MBNL2: variants seen among roughly 807,000 people sequenced by gnomAD.
MBNL2 encodes muscleblind-like protein 2.
A neutral mutation model predicts 41.9 loss-of-function variants in MBNL2; 17 were observed. The observed-to-expected ratio is 0.41, with a 90% confidence interval of 0.28 to 0.61. MBNL2 has a LOEUF of 0.61. Among genes scored for constraint, MBNL2 ranks in the 20% least tolerant of loss-of-function variants. The probability of loss-of-function intolerance (pLI) is 0.35; values close to 1 mark genes in which losing one functional copy is unlikely to be tolerated. For synonymous variants in MBNL2, 195 were observed against 182.9 expected (o/e 1.07, Z -0.53); for missense variants, 336 against 505.6 (o/e 0.66, Z 3.22).
At chr13:97,167,488 C>T in the MBNL2 span, among the ~76,000 whole-genome samples, 1 of 151,856 alleles carries the variant, frequency 6.6e-6, no homozygotes, top group African/African-American at 2.4e-5. Flanking sequence ...AAAGCGCAGG[C>T]AAAGAAAGCT....
At chr13:97,151,781 C>T in the MBNL2 span, among the ~76,000 whole-genome samples, 1 of 152,126 alleles carries the variant, frequency 6.6e-6, no homozygotes, top group East Asian at 1.9e-4. Flanking sequence ...CAGGATAATA[C>T]CTTTTAGGTA....
At chr13:97,224,800 T>A (rs918920711) in intron 1 of MBNL2, among the ~76,000 whole-genome samples, 2 of 152,226 alleles carry the variant, frequency 1.3e-5, no homozygotes, top group African/African-American at 4.8e-5. Context: ...CATGTAAATT[T>A]TTTAGGGATA....
At chr13:97,353,846 G>T (rs572506017) in intron 5 of MBNL2, among the ~76,000 whole-genome samples, 1 of 151,816 alleles carries the variant, frequency 6.6e-6, no homozygotes, top group Admixed American at 6.6e-5. Context: ...GATACGTTTC[G>T]ATTGTTCAGG....
intron 1 of MBNL2, among the ~76,000 whole-genome samples, chr13:97,256,431 A>G (rs1008331578): frequency 1.3e-5 from 2 of 152,056 alleles, no homozygotes; most frequent in Non-Finnish European, 2.9e-5. Flanking sequence ...GCTTGCTGGG[A>G]AATTGGTTAT....
chr13:97,358,765 T>C (rs1566439634), intron 7 of MBNL2, among the ~76,000 whole-genome samples: 1 of 152,194 alleles, frequency 6.6e-6, no homozygotes. Context: ...TATAAATGAA[T>C]AACAATTCTA....
the MBNL2 span, among the ~76,000 whole-genome samples, chr13:97,203,918 A>T: frequency 5.3e-5 from 8 of 151,876 alleles, no homozygotes; most frequent in Admixed American, 1.3e-4. Flanking sequence ...GGATGGATGG[A>T]CGGACGGATG....
chr13:97,220,593 AG>A (rs548114801), upstream of MBNL2, among the ~76,000 whole-genome samples: 69 of 152,354 alleles, frequency 4.5e-4, 1 homozygote, highest in South Asian at 0.014. Flanking sequence ...TGAATGTGAA[AG>A]GAACATGACT....
chr13:97,359,815 G>A (rs1376607376), intron 7 of MBNL2, among the ~76,000 whole-genome samples: 1 of 152,122 alleles, frequency 6.6e-6, no homozygotes, highest in Admixed American at 6.5e-5. Context: ...TGGATCTAGT[G>A]TTCTGAAATG....
chr13:97,332,323 T>G (rs1330360125), intron 2 of MBNL2, among the ~76,000 whole-genome samples: 1 of 152,248 alleles, frequency 6.6e-6, no homozygotes, highest in Non-Finnish European at 1.5e-5. Flanking sequence ...TCCTCATGGA[T>G]ACCTCACATC....
chr13:97,287,492 T>C (rs1277068608), intron 2 of MBNL2, among the ~76,000 whole-genome samples: 1 of 152,174 alleles, frequency 6.6e-6, no homozygotes, highest in African/African-American at 2.4e-5. Flanking sequence ...CCATCAAACA[T>C]TTATCATTTC....
chr13:97,236,197 C>A lies in MBNL2; in HGVS notation c.-605+13666C>A, dbSNP rs183866864. Among the ~76,000 whole-genome samples the A allele has an allele frequency of 6.2e-4, 94 of 152,244 alleles. 4 individuals are homozygous for A. The South Asian group carries it at 0.015, about 24-fold the overall frequency. ...TTTTCAGGACTGAAAATTAGAAACACTTTTCTCCTACACACAAAATTACTC... is the reference window on the plus strand; with the variant it reads ...TTTTCAGGACTGAAAATTAGAAACAATTTTCTCCTACACACAAAATTACTC... On this transcript the variant is annotated intron_variant, in intron 1 of 8. Transcript: ENST00000679496.
chr13:97,166,247 T>A, the MBNL2 span, among the ~76,000 whole-genome samples: 1 of 152,248 alleles, frequency 6.6e-6, no homozygotes. Flanking sequence ...AGGTAGCACA[T>A]GAATAGTATG....
chr13:97,166,683 A>G, the MBNL2 span, among the ~76,000 whole-genome samples: 1 of 151,988 alleles, frequency 6.6e-6, no homozygotes. Flanking sequence ...CAAGTTCTTT[A>G]GTTTTGGGAC....
chr13:97,287,933 TGTTTTG>T (rs2054950440), intron 2 of MBNL2, among the ~76,000 whole-genome samples: 9 of 85,726 alleles, frequency 1.0e-4, no homozygotes, highest in African/African-American at 1.9e-4. Context: ...TTTTTTGTTT[TGTTTTG>T]TTTTTTTTTT....
the MBNL2 span, among the ~76,000 whole-genome samples, chr13:97,167,328 A>G: frequency 2.0e-5 from 3 of 152,094 alleles, no homozygotes; most frequent in Admixed American, 6.5e-5. Flanking sequence ...ATTCATTTAC[A>G]TGCTCCACAA....
At chr13:97,165,958 GA>G in the MBNL2 span, among the ~76,000 whole-genome samples, 1 of 152,170 alleles carries the variant, frequency 6.6e-6, no homozygotes, top group Admixed American at 6.5e-5. Context: ...CTCCATCATT[GA>G]AATTCTGTTT....
chr13:97,218,430 C>CAAAAAAAAAAAAAAAA (rs746110575), upstream of MBNL2, among the ~76,000 whole-genome samples: 15 of 69,006 alleles, frequency 2.2e-4, 1 homozygote, highest in South Asian at 3.8e-4. Flanking sequence ...AAAAACAAAA[C>CAAAAAAAAAAAAAAAA]AAAACAAAAC....
chr13:97,192,082 G>C, the MBNL2 span, among the ~76,000 whole-genome samples: 2 of 152,296 alleles, frequency 1.3e-5, no homozygotes, highest in Non-Finnish European at 2.9e-5. Flanking sequence ...GCCTGTTACT[G>C]TGGCAGCTTG....
the MBNL2 span, among the ~76,000 whole-genome samples, chr13:97,201,613 A>C: frequency 6.6e-6 from 1 of 152,182 alleles, no homozygotes; most frequent in Non-Finnish European, 1.5e-5. Context: ...TTATCTATTC[A>C]TTATAATTTT....
Sources: allele counts gnomAD v4.1 joint callset (sites outside exome capture counted in the v4.1 genomes callset), GRCh38; gene constraint gnomAD v4.1.1; transcripts MANE v1.5; gene names NCBI Gene and HGNC (gene_info 2026-07-23, HGNC 2026-07-21).